LRMDA: variants seen among roughly 807,000 people sequenced by gnomAD.
The protein encoded by LRMDA is leucine rich melanocyte differentiation associated.
A neutral mutation model predicts 29.8 loss-of-function variants in LRMDA; 18 were observed. The observed-to-expected ratio is 0.60, with a 90% CI of 0.42 to 0.90. The LOEUF (loss-of-function observed/expected upper bound fraction) is 0.90. Among genes scored for constraint, LRMDA ranks in the 40% least tolerant of loss-of-function variants. LRMDA has a pLI of 0.00. For missense variants in LRMDA, 273 were observed against 273.9 expected (o/e 1.00, Z 0.02); for synonymous variants, 125 against 109.4 (o/e 1.14, Z -0.89).
chr10:75,452,073 T>C (rs1185107509), intron 2 of LRMDA, among the ~76,000 whole-genome samples: 1 of 152,132 alleles, frequency 6.6e-6, no homozygotes, highest in Non-Finnish European at 1.5e-5. Context: ...TGTTATGCCT[T>C]TTTCTTTCAG....
chr10:76,435,137 G>C (rs1842232500), intron 6 of LRMDA, among the ~76,000 whole-genome samples: 1 of 152,112 alleles, frequency 6.6e-6, no homozygotes, highest in South Asian at 2.1e-4. Context: ...CAGTACTTAA[G>C]GAAGGGAAAG....
At chr10:75,737,516 A>G (rs1022156063) in intron 2 of LRMDA, among the ~76,000 whole-genome samples, 1 of 152,202 alleles carries the variant, frequency 6.6e-6, no homozygotes, top group Non-Finnish European at 1.5e-5. Flanking sequence ...GCGGTTGAGC[A>G]AGGCCTTTGT....
At chr10:76,259,660 G>C (rs1839908616) in intron 5 of LRMDA, among the ~76,000 whole-genome samples, 2 of 152,040 alleles carry the variant, frequency 1.3e-5, no homozygotes, top group South Asian at 2.1e-4. Context: ...TGAGAGTAAG[G>C]TGTTGAAGTC....
intron 2 of LRMDA, among the ~76,000 whole-genome samples, chr10:75,880,277 C>T (rs1174389734): frequency 3.9e-5 from 6 of 152,020 alleles, no homozygotes; most frequent in Non-Finnish European, 8.8e-5. Context: ...ATGATATCAT[C>T]TAGGAAGAAG....
chr10:76,269,691 A>G (rs1265575774), intron 5 of LRMDA, among the ~76,000 whole-genome samples: 1 of 152,238 alleles, frequency 6.6e-6, no homozygotes, highest in African/African-American at 2.4e-5. Flanking sequence ...AGTAACAACA[A>G]TAATAGCAAC....
intron 6 of LRMDA, among the ~76,000 whole-genome samples, chr10:76,497,618 A>G (rs145564888): frequency 1.3e-5 from 1 of 75,742 alleles, no homozygotes; most frequent in African/African-American, 3.2e-5. Context: ...GAGGAAACCA[A>G]CCAACCAAGT....
chr10:75,561,364 T>C (rs183318043), intron 2 of LRMDA, among the ~76,000 whole-genome samples: 3 of 148,036 alleles, frequency 2.0e-5, no homozygotes, highest in Non-Finnish European at 3.0e-5. Context: ...TGTATTTCTG[T>C]GGGATCAATG....
chr10:76,234,006 A>G (rs111954740), intron 5 of LRMDA, among the ~76,000 whole-genome samples: 2,462 of 152,314 alleles, frequency 0.016, 32 homozygotes, highest in South Asian at 0.071. Flanking sequence ...AGAATGGTGA[A>G]TCCTTTCCAG....
At chr10:76,018,524 T>C (rs554729503) in intron 2 of LRMDA, among the ~76,000 whole-genome samples, 1 of 152,106 alleles carries the variant, frequency 6.6e-6, no homozygotes, top group Non-Finnish European at 1.5e-5. Context: ...GTTGAGGACA[T>C]TTAAGGGAAT....
At chr10:76,086,350 A>T (rs1431267404) in intron 5 of LRMDA, among the ~76,000 whole-genome samples, 2 of 152,198 alleles carry the variant, frequency 1.3e-5, no homozygotes, top group East Asian at 3.9e-4. Context: ...TGGGGCTGGT[A>T]AAAAGCAGCT....
chr10:75,492,467 C>T (rs1421184703), intron 2 of LRMDA, among the ~76,000 whole-genome samples: 2 of 152,066 alleles, frequency 1.3e-5, no homozygotes, highest in East Asian at 1.9e-4. Context: ...TCCTGCTAGT[C>T]GTCACATTGA....
intron 2 of LRMDA, among the ~76,000 whole-genome samples, chr10:75,618,382 C>CTATA (rs71477026): frequency 1.4e-3 from 110 of 77,014 alleles, no homozygotes; most frequent in African/African-American, 3.7e-3. Context: ...CTCTCTCTCT[C>CTATA]TATATATATA....
At chr10:76,246,865 T>C (rs1852387505) in intron 5 of LRMDA, among the ~76,000 whole-genome samples, 1 of 152,108 alleles carries the variant, frequency 6.6e-6, no homozygotes, top group South Asian at 2.1e-4. Flanking sequence ...AGATGGGTGC[T>C]GCTAAGGGAT....
intron 2 of LRMDA, among the ~76,000 whole-genome samples, chr10:75,602,640 A>G (rs1405685121): frequency 6.6e-6 from 1 of 152,082 alleles, no homozygotes; most frequent in African/African-American, 2.4e-5. Flanking sequence ...CATAACTCCT[A>G]GGAGATGTTG....
At chr10:76,259,698 C>A (rs1228844692) in intron 5 of LRMDA, among the ~76,000 whole-genome samples, 1 of 151,970 alleles carries the variant, frequency 6.6e-6, no homozygotes, top group Non-Finnish European at 1.5e-5. Flanking sequence ...TGGGGTCTAT[C>A]TCTCCCTTTA....
chr10:76,169,686 G>A (rs543564345), intron 5 of LRMDA, among the ~76,000 whole-genome samples: 9 of 152,248 alleles, frequency 5.9e-5, no homozygotes, highest in African/African-American at 2.2e-4. Context: ...GGTCTCATGG[G>A]TCTTCAAAGA....
At chr10:75,822,826 G>A (rs963779091) in intron 2 of LRMDA, among the ~76,000 whole-genome samples, 4 of 152,054 alleles carry the variant, frequency 2.6e-5, no homozygotes, top group African/African-American at 9.7e-5. Flanking sequence ...GGCTCAAACA[G>A]TTCTCCAGCC....
chr10:75,674,539 C>T (rs1402388300), intron 2 of LRMDA, among the ~76,000 whole-genome samples: 3 of 151,942 alleles, frequency 2.0e-5, no homozygotes, highest in Admixed American at 6.6e-5. Flanking sequence ...TGTTATCACC[C>T]GGTGATTGAA....
rs369488193 is a variant in LRMDA at position 75,634,849 on chromosome 10, C to T, written c.131+196355C>T. ...ATGTCTCATTTCCAATTAACACTAA[C>T]AACAAATACCTACAAATTCAGAAGA... On this transcript the variant is annotated intron_variant, in intron 2 of 6. Transcript: ENST00000611255. Among the ~76,000 whole-genome samples the T allele has an allele frequency of 1.4e-4, 22 of 152,048 alleles. No individual in the cohort carries two copies. In the East Asian group the frequency reaches 2.3e-3, roughly 16 times the overall value.
Sources: allele counts gnomAD v4.1 joint callset (sites outside exome capture counted in the v4.1 genomes callset), GRCh38; gene constraint gnomAD v4.1.1; transcripts MANE v1.5; gene names NCBI Gene and HGNC (gene_info 2026-07-23, HGNC 2026-07-21).